Variants in ZNF793 observed in about 807,000 individuals in gnomAD.
The protein encoded by ZNF793 is zinc finger protein 793.
ZNF793 carries 5 observed loss-of-function variants against 12.4 expected under a neutral mutation model. The ratio of observed to expected loss-of-function variants is 0.40; its 90% CI spans 0.21 to 0.84. The LOEUF (loss-of-function observed/expected upper bound fraction) is 0.84, where lower values mean the gene tolerates loss of function less well. Ranked by LOEUF, ZNF793 falls within the 40% of genes least tolerant of loss-of-function variation. The probability of loss-of-function intolerance (pLI) is 0.35; values close to 1 mark genes in which losing one functional copy is unlikely to be tolerated. For missense variants in ZNF793, 456 were observed against 495.0 expected (o/e 0.92, Z 0.75); for synonymous variants, 162 against 172.4 (o/e 0.94, Z 0.47).
At chr19:37,526,912 G>A (rs1485103320) in intron 5 of ZNF793, among the ~76,000 whole-genome samples, 1 of 152,162 alleles carries the variant, frequency 6.6e-6, no homozygotes, top group Non-Finnish European at 1.5e-5. Flanking sequence ...CAGGCACTGA[G>A]TCCCCATTTT....
At chr19:37,513,194 A>G (rs558054242) in intron 2 of ZNF793, among the ~76,000 whole-genome samples, 1 of 152,310 alleles carries the variant, frequency 6.6e-6, no homozygotes, top group East Asian at 1.9e-4. Context: ...AAGTTATATT[A>G]TTACTAAGTA....
intron 5 of ZNF793, among the ~76,000 whole-genome samples, chr19:37,527,529 T>C (rs2042425625): frequency 6.6e-6 from 1 of 152,220 alleles, no homozygotes; most frequent in Admixed American, 6.5e-5. Flanking sequence ...CTATTATTAT[T>C]TCCATTGAAC....
rs142159045 is a variant in ZNF793 at position 37,523,397 on chromosome 19, C to G, written c.-30-13C>G. The G allele has an allele frequency of 2.7e-4, 427 of 1,606,128 alleles. No homozygotes were observed. In the African/African-American group the frequency reaches 5.1e-3, roughly 19 times the overall value. On this transcript the variant is annotated splice_polypyrimidine_tract_variant and intron_variant, in intron 4 of 7. Transcript: ENST00000627814. Reference sequence around the variant, plus strand: ...CTCTCTTTCTCCATCTTCTTCCCCCCACATGTCTACAGGTGTCAGATCTTT... The same window carrying G: ...CTCTCTTTCTCCATCTTCTTCCCCCGACATGTCTACAGGTGTCAGATCTTT...
At chr19:37,530,962 C>A (rs924874572) in intron 5 of ZNF793, among the ~76,000 whole-genome samples, 9 of 152,212 alleles carry the variant, frequency 5.9e-5, no homozygotes, top group South Asian at 2.1e-4. Flanking sequence ...TTATTTAGAT[C>A]AGGCACACCT....
At chr19:37,533,561 A>T (rs569184757) in intron 7 of ZNF793, 158 bp downstream of exon 7, 1 of 618,312 alleles carries the variant, frequency 1.6e-6, no homozygotes, top group East Asian at 2.8e-5. Context: ...CCCATATCTG[A>T]GTGTTTTTCT....
intron 2 of ZNF793, among the ~76,000 whole-genome samples, chr19:37,510,296 G>A (rs981896256): frequency 4.6e-5 from 7 of 151,614 alleles, no homozygotes; most frequent in Admixed American, 2.0e-4. Context: ...CTTGAGGTCA[G>A]GAGTTCAAGA....
At position 37,541,185 on chromosome 19, in the gene ZNF793, A is replaced by C; in HGVS notation, c.*3306A>C. On this transcript the variant is annotated 3_prime_UTR_variant, in exon 8 of 8. Coordinates refer to ENST00000627814, the MANE Select transcript of ZNF793 (RefSeq NM_001013659.3). ...GGAAAAGAGTAGTTTACTTAAAAAG[A>C]ATTCTGGAACAGAACCTTTTAATCT... 1 of 10,280 alleles carries C rather than the reference A, an allele frequency of 9.7e-5. No individual in the cohort carries two copies. Among genetic ancestry groups the C allele is most frequent in the South Asian group, 6.4e-3 (1 of 156 alleles). The allele number at this position is 10,280 out of a possible 1,614,324, so 0.6% of individuals were successfully genotyped here. A position where few individuals can be genotyped will look rare whatever the true frequency, so the allele number is the denominator to read the frequency against.
intron 6 of ZNF793, among the ~76,000 whole-genome samples, chr19:37,532,683 G>A (rs1222867079): frequency 6.6e-6 from 1 of 152,104 alleles, no homozygotes; most frequent in Non-Finnish European, 1.5e-5. Context: ...TCCAGGTGTG[G>A]TGGCGGGCGC....
Position 37,537,691 on chromosome 19 carries a change from G to A in ZNF793, c.1033G>A (p.Gly345Arg). 1.2e-6 allele frequency: 2 copies of A among 1,613,580 alleles called. No individual in the cohort carries two copies. The change falls in exon 8 of 8, where the codon GGA becomes AGA. Residue 345 changes from glycine (G) to arginine (R), a missense_variant. Coordinates refer to ENST00000627814, the MANE Select transcript of ZNF793 (RefSeq NM_001013659.3). ...AAGACCGTATCGTTGCAGAGAATGT[G>A]GAAAATCCTTCAGCCAGAAGTCATG... Reference protein sequence around the residue: ...GERPYRCRECGKSFSQKSCLN... With the variant: ...GERPYRCRECRKSFSQKSCLN...
At chr19:37,507,533 A>C (rs1042356387) in intron 1 of ZNF793, among the ~76,000 whole-genome samples, 2 of 152,218 alleles carry the variant, frequency 1.3e-5, no homozygotes, top group Non-Finnish European at 2.9e-5. Context: ...GTTTTGGGCC[A>C]TCGGTGATTG....
intron 5 of ZNF793, among the ~76,000 whole-genome samples, chr19:37,531,196 T>G (rs148911953): frequency 2.0e-5 from 3 of 151,974 alleles, no homozygotes; most frequent in African/African-American, 7.2e-5. Context: ...AGTCAGAGTC[T>G]CACCCTGTCC....
intron 2 of ZNF793, among the ~76,000 whole-genome samples, chr19:37,508,992 T>C (rs978705168): frequency 1.3e-5 from 2 of 152,158 alleles, no homozygotes; most frequent in Admixed American, 6.5e-5. Context: ...CAAAACAAAA[T>C]GTAAGCTACT....
chr19:37,518,970 TA>T (rs1162153637), intron 2 of ZNF793, among the ~76,000 whole-genome samples: 1 of 152,030 alleles, frequency 6.6e-6, no homozygotes, highest in Non-Finnish European at 1.5e-5. Context: ...GTGTGCACTC[TA>T]AAAATTCTGA....
At chr19:37,527,572 T>C (rs1600416032) in intron 5 of ZNF793, among the ~76,000 whole-genome samples, 1 of 152,146 alleles carries the variant, frequency 6.6e-6, no homozygotes, top group South Asian at 2.1e-4. Flanking sequence ...AGAGGCTAAA[T>C]AGTTTTCCCA....
In ZNF793 at chr19:37,537,369, C is replaced by CT. The variant is rs1396338634; in HGVS notation, c.712dup (p.Tyr238LeufsTer4). The CT allele has an allele frequency of 6.2e-7, 1 of 1,612,818 alleles. No individual in the cohort carries two copies. The highest frequency in any genetic ancestry group is 1.3e-5 in the African/African-American group (1 of 74,890). On this transcript the variant is annotated frameshift_variant, in exon 8 of 8. Coordinates refer to ENST00000627814, the MANE Select transcript of ZNF793 (RefSeq NM_001013659.3). LOFTEE classifies it low-confidence loss of function (END_TRUNC). ...GTAGTGAGTGTGGGAAAGCCTTCTG[C>CT]TACAAGTCTGAATTCATTAGGCATC... is the stretch of plus-strand genomic sequence containing the variant.
chr19:37,521,931 ATTCT>A (rs1156882103), intron 3 of ZNF793, among the ~76,000 whole-genome samples: 1 of 152,056 alleles, frequency 6.6e-6, no homozygotes, highest in Non-Finnish European at 1.5e-5. Context: ...TATCATTCCT[ATTCT>A]TTCTTTAACT....
chr19:37,523,084 G>T (rs1253969747), intron 4 of ZNF793, among the ~76,000 whole-genome samples: 1 of 152,060 alleles, frequency 6.6e-6, no homozygotes, highest in Non-Finnish European at 1.5e-5. Context: ...TGCAGTAGTG[G>T]GATCATGGCT....
intron 5 of ZNF793, among the ~76,000 whole-genome samples, chr19:37,530,039 GAGA>G (rs2042445848): frequency 6.6e-6 from 1 of 151,926 alleles, no homozygotes; most frequent in Non-Finnish European, 1.5e-5. Context: ...TAATAGTGGA[GAGA>G]AGGTCAGCAG....
rs1244596337 is a variant in ZNF793, at chr19:37,540,280, AAAAAG to A, written c.*2406_*2410del. ...GAAACTCCGTCAAAAAAAAAAAAAA[AAAAAG>A]AAAACTTCAGACCAGTCTTACTCAT... On this transcript the variant is annotated 3_prime_UTR_variant, in exon 8 of 8. Transcript: ENST00000627814. 1 of 151,062 alleles carries A rather than the reference AAAAAG, an allele frequency of 6.6e-6. No homozygotes were observed. Among genetic ancestry groups the A allele is most frequent in the East Asian group, 1.9e-4 (1 of 5,186 alleles). The allele number at this position is 151,062 out of a possible 1,614,324, so 9.4% of individuals were successfully genotyped here.
Sources: allele counts gnomAD v4.1 joint callset (sites outside exome capture counted in the v4.1 genomes callset), GRCh38; gene constraint gnomAD v4.1.1; transcripts MANE v1.5; gene names NCBI Gene and HGNC (gene_info 2026-07-23, HGNC 2026-07-21).